The following DRC9 variants were observed in gnomAD, a reference collection of about 807,000 sequenced individuals.
DRC9 encodes the protein dynein regulatory complex protein 9.
At chr3:197,910,886 C>T in the DRC9 span, among the ~76,000 whole-genome samples, 3 of 151,510 alleles carry the variant, frequency 2.0e-5, no homozygotes, top group Admixed American at 6.6e-5. Context: ...GCAGGCGAAT[C>T]GCTTGAGCCC....
At chr3:197,900,714 G>A in the DRC9 span, among the ~76,000 whole-genome samples, 11 of 134,276 alleles carry the variant, frequency 8.2e-5, no homozygotes, top group South Asian at 2.6e-4. This position sits in a 1 kb window ranked among gnomAD's most constrained non-coding sequence, Gnocchi z 4.7. Flanking sequence ...CAGCTCAGCC[G>A]CAGTAGAATA....
chr3:197,950,789 CAT>C, the DRC9 span: 1 of 684,182 alleles, frequency 1.5e-6, no homozygotes, highest in Non-Finnish European at 2.5e-6. Flanking sequence ...CCCTGCGTTT[CAT>C]ATGGATGTTC....
At chr3:197,910,672 G>T in the DRC9 span, among the ~76,000 whole-genome samples, 1 of 152,114 alleles carries the variant, frequency 6.6e-6, no homozygotes, top group Non-Finnish European at 1.5e-5. Context: ...TCATCCAATA[G>T]GGTTATTTTG....
chr3:197,904,176 A>C, the DRC9 span, among the ~76,000 whole-genome samples: 1 of 151,040 alleles, frequency 6.6e-6, no homozygotes, highest in Non-Finnish European at 1.5e-5. Flanking sequence ...CAAACACCAA[A>C]CAGACATATA....
At chr3:197,931,391 G>A in the DRC9 span, among the ~76,000 whole-genome samples, 4 of 151,744 alleles carry the variant, frequency 2.6e-5, no homozygotes, top group African/African-American at 4.8e-5. Context: ...CTGAGGCAGG[G>A]GAATCGCTTG....
chr3:197,953,921 G>T, the DRC9 span: 1 of 1,446,496 alleles, frequency 6.9e-7, no homozygotes, highest in Non-Finnish European at 9.7e-7. Flanking sequence ...CCAGGGTTGA[G>T]AGCCACTCGT....
chr3:197,922,324 C>T, the DRC9 span, among the ~76,000 whole-genome samples: 3 of 152,138 alleles, frequency 2.0e-5, no homozygotes, highest in Admixed American at 2.0e-4. Context: ...AGGTGTGGTC[C>T]TTATGGTAGA....
chr3:197,914,164 C>T, the DRC9 span: 3 of 819,306 alleles, frequency 3.7e-6, no homozygotes, highest in Admixed American at 2.1e-5. Flanking sequence ...TATTTTTCCG[C>T]TGTCACACAA....
At chr3:197,904,793 G>A in the DRC9 span, among the ~76,000 whole-genome samples, 37 of 152,306 alleles carry the variant, frequency 2.4e-4, 1 homozygote, top group East Asian at 6.2e-3. Flanking sequence ...CTGGGAGGCA[G>A]AGATTGCAGT....
the DRC9 span, among the ~76,000 whole-genome samples, chr3:197,918,258 CTTT>C: frequency 6.6e-5 from 4 of 60,296 alleles, no homozygotes; most frequent in Non-Finnish European, 1.3e-4. Flanking sequence ...TAATTTTTTG[CTTT>C]TTTTTTTTTT....
At chr3:197,905,638 C>T in the DRC9 span, among the ~76,000 whole-genome samples, 3 of 151,870 alleles carry the variant, frequency 2.0e-5, no homozygotes, top group Admixed American at 6.6e-5. Context: ...ATCCCAGCTA[C>T]TCGGGAGGCT....
chr3:197,951,639 C>T, the DRC9 span: 3 of 347,528 alleles, frequency 8.6e-6, no homozygotes, highest in African/African-American at 6.3e-5. Flanking sequence ...AGGCTTGAGC[C>T]ACCGCGCCTG....
chr3:197,924,710 G>T, the DRC9 span, among the ~76,000 whole-genome samples: 1 of 152,090 alleles, frequency 6.6e-6, no homozygotes. Flanking sequence ...AGTAGAAACG[G>T]GGTTTCAGCA....
chr3:197,959,772 G>A, the DRC9 span: 1 of 157,446 alleles, frequency 6.4e-6, no homozygotes, highest in Non-Finnish European at 1.4e-5. Flanking sequence ...GATTTTTATA[G>A]GAAATGGCGT....
chr3:197,943,007 A>C, the DRC9 span, among the ~76,000 whole-genome samples: 1 of 152,200 alleles, frequency 6.6e-6, no homozygotes, highest in Non-Finnish European at 1.5e-5. Context: ...CTACAACCTA[A>C]GTTACTGAAA....
At chr3:197,892,874 G>T in the DRC9 span, 1 of 1,341,156 alleles carries the variant, frequency 7.5e-7, no homozygotes, top group Non-Finnish European at 1.0e-6. Context: ...GTGAGAGAAG[G>T]CAGAACAGTA....
chr3:197,904,102 ATATATATATTTTT>A, the DRC9 span, among the ~76,000 whole-genome samples: 13 of 61,698 alleles, frequency 2.1e-4, no homozygotes, highest in African/African-American at 5.2e-4. Flanking sequence ...ATATATATAT[ATATATATATTTTT>A]TTTTTTAAAG....
the DRC9 span, among the ~76,000 whole-genome samples, chr3:197,918,591 C>T: frequency 2.9e-4 from 44 of 152,216 alleles, 1 homozygote; most frequent in South Asian, 4.6e-3. Flanking sequence ...AGTTTTGTTT[C>T]TCACAGAATC....
At chr3:197,926,652 G>A in the DRC9 span, among the ~76,000 whole-genome samples, 2 of 152,094 alleles carry the variant, frequency 1.3e-5, no homozygotes, top group Admixed American at 1.3e-4. Context: ...TGTGTGTTCT[G>A]AGGCCACACT....
Sources: allele counts gnomAD v4.1 joint callset (sites outside exome capture counted in the v4.1 genomes callset), GRCh38; gene constraint gnomAD v4.1.1; non-coding constraint Gnocchi (gnomAD v3.1); transcripts MANE v1.5; gene names NCBI Gene and HGNC (gene_info 2026-07-23, HGNC 2026-07-21).